Variants in TBC1D5 observed in about 807,000 individuals in gnomAD.
The protein encoded by TBC1D5 is TBC1 domain family member 5.
A neutral mutation model predicts 100.3 loss-of-function variants in TBC1D5; 75 were observed. The observed-to-expected ratio is 0.75, with a 90% CI of 0.62 to 0.91. The LOEUF (loss-of-function observed/expected upper bound fraction) is 0.91, where lower values mean the gene tolerates loss of function less well. Among genes scored for constraint, TBC1D5 ranks in the 40% least tolerant of loss-of-function variants. The pLI, the probability that TBC1D5 is intolerant of heterozygous loss-of-function variation, is 0.00. For synonymous variants in TBC1D5, 323 were observed against 325.6 expected (o/e 0.99, Z 0.09); for missense variants, 910 against 942.4 (o/e 0.97, Z 0.45).
chr3:17,322,574 A>T (rs2085556880), intron 13 of TBC1D5, among the ~76,000 whole-genome samples: 1 of 152,214 alleles, frequency 6.6e-6, no homozygotes. Flanking sequence ...AGGAAGGAGA[A>T]ACCCAAAGCA....
At chr3:17,328,207 C>T (rs944026083) in intron 13 of TBC1D5, among the ~76,000 whole-genome samples, 3 of 151,852 alleles carry the variant, frequency 2.0e-5, no homozygotes, top group Middle Eastern at 3.2e-3. Flanking sequence ...GAGGTTGAGG[C>T]CACAGTGAGC....
intron 17 of TBC1D5, among the ~76,000 whole-genome samples, chr3:17,217,617 A>G (rs2596665): frequency 0.41 from 62,394 of 151,850 alleles, 13,524 homozygotes; most frequent in Middle Eastern, 0.49. Context: ...CAATTTTCCA[A>G]TGGCTCATGA....
intron 1 of TBC1D5, among the ~76,000 whole-genome samples, chr3:17,653,847 T>C (rs537166055): frequency 4.6e-5 from 7 of 152,068 alleles, no homozygotes; most frequent in East Asian, 1.9e-4. Flanking sequence ...GAAGGAAGGA[T>C]GGGAGAATGA....
At chr3:17,443,385 A>G (rs1251500417) in intron 3 of TBC1D5, among the ~76,000 whole-genome samples, 1 of 152,222 alleles carries the variant, frequency 6.6e-6, no homozygotes, top group East Asian at 1.9e-4. Context: ...GCTGGATACC[A>G]TAACTCATAC....
chr3:17,401,280 C>CATATATATGTATGTGTATAATAT (rs1559805374), intron 8 of TBC1D5, among the ~76,000 whole-genome samples: 20 of 136,324 alleles, frequency 1.5e-4, no homozygotes, highest in South Asian at 4.7e-4. Context: ...GTGTATAATA[C>CATATATATGTATGTGTATAATAT]ACATATATAT....
rs144906223 is a variant in TBC1D5 at position 17,374,229 on chromosome 3, CTTGA to C, written c.822+238_822+241del. ...ATTTTGTAACGAAGCACTTATGCTG[CTTGA>C]TTAATATACACACATATAAAATGTA... On this transcript the variant is annotated intron_variant, in intron 12 of 21. Transcript: ENST00000253692. Among the ~76,000 whole-genome samples, 481 of 152,102 alleles carry C rather than the reference CTTGA, an allele frequency of 3.2e-3. 1 individual carries two copies. Among genetic ancestry groups the C allele is most frequent in the African/African-American group, 0.011 (458 of 41,524 alleles).
At position 17,626,893 on chromosome 3, in the gene TBC1D5, C is replaced by T. The variant is rs144765593; in HGVS notation, c.-100-2980G>A. The stretch of plus-strand genomic sequence containing the variant: ...CAAATTTATGAGAGAACCTCAAATA[C>T]CAGGCTGGAAAGTCTAAATTTCAAT... On this transcript the variant is annotated intron_variant, in intron 1 of 21. Transcript: ENST00000253692. 1.0e-3 allele frequency among the ~76,000 whole-genome samples: 153 copies of T among 152,128 alleles called. 2 individuals are homozygous for T. In the South Asian group the frequency reaches 0.018, roughly 18 times the overall value.
chr3:17,480,738 C>G (rs1040853488), intron 3 of TBC1D5, among the ~76,000 whole-genome samples: 1 of 152,050 alleles, frequency 6.6e-6, no homozygotes, highest in African/African-American at 2.4e-5. Flanking sequence ...CAGTGAGGGT[C>G]TCCTCTCTGC....
At chr3:17,730,716 C>T (rs187095267) in intron 1 of TBC1D5, among the ~76,000 whole-genome samples, 1 of 152,186 alleles carries the variant, frequency 6.6e-6, no homozygotes, top group African/African-American at 2.4e-5. Context: ...ATTTGTCACA[C>T]GGCAGTTAAC....
chr3:17,731,391 C>T (rs1030291504), intron 1 of TBC1D5, among the ~76,000 whole-genome samples: 1 of 151,432 alleles, frequency 6.6e-6, no homozygotes, highest in Non-Finnish European at 1.5e-5. Flanking sequence ...GTCCCAGCTA[C>T]TCTACTCAGG....
chr3:17,367,405 A>C (rs972089980), intron 13 of TBC1D5, among the ~76,000 whole-genome samples: 13 of 152,226 alleles, frequency 8.5e-5, no homozygotes, highest in Non-Finnish European at 4.4e-5. Flanking sequence ...ATACTAAAAA[A>C]TACCACAAAA....
intron 18 of TBC1D5, among the ~76,000 whole-genome samples, chr3:17,188,725 G>C (rs569188622): frequency 1.3e-5 from 2 of 152,134 alleles, no homozygotes; most frequent in Non-Finnish European, 2.9e-5. Context: ...CCAAAACTGT[G>C]GGAACTGACT....
At chr3:17,283,540 G>A (rs1401116772) in intron 15 of TBC1D5, among the ~76,000 whole-genome samples, 1 of 152,132 alleles carries the variant, frequency 6.6e-6, no homozygotes, top group Non-Finnish European at 1.5e-5. Context: ...CGTGGCCACA[G>A]TATTCTTAAA....
At chr3:17,706,821 CA>C (rs539646311) in intron 1 of TBC1D5, among the ~76,000 whole-genome samples, 141 of 150,716 alleles carry the variant, frequency 9.4e-4, no homozygotes, top group African/African-American at 3.4e-3. Context: ...AATCCTTTAA[CA>C]AAAAAATTAG....
chr3:17,707,344 T>C (rs2153912228), intron 1 of TBC1D5, among the ~76,000 whole-genome samples: 1 of 152,282 alleles, frequency 6.6e-6, no homozygotes, highest in African/African-American at 2.4e-5. Context: ...TCAATAAATT[T>C]ATAAAATTTT....
intron 2 of TBC1D5, among the ~76,000 whole-genome samples, chr3:17,547,439 C>A (rs1261898755): frequency 6.6e-6 from 1 of 152,128 alleles, no homozygotes; most frequent in Non-Finnish European, 1.5e-5. Context: ...AAAATTAAAG[C>A]ATCTCAGAGA....
At chr3:17,571,163 T>C (rs988956426) in intron 2 of TBC1D5, among the ~76,000 whole-genome samples, 2 of 152,120 alleles carry the variant, frequency 1.3e-5, no homozygotes, top group East Asian at 3.9e-4. Flanking sequence ...TTACAATGAA[T>C]AGATTTAGTC....
intron 1 of TBC1D5, among the ~76,000 whole-genome samples, chr3:17,634,113 A>G (rs2153681625): frequency 6.6e-6 from 1 of 152,320 alleles, no homozygotes; most frequent in South Asian, 2.1e-4. Context: ...GCCTTTCTAC[A>G]CTGTTAGTGG....
chr3:17,591,506 G>A (rs2096771669), intron 2 of TBC1D5, among the ~76,000 whole-genome samples: 1 of 152,096 alleles, frequency 6.6e-6, no homozygotes, highest in Admixed American at 6.5e-5. Flanking sequence ...GGGACTACTG[G>A]ACACTGGCTC....
Sources: gnomAD v4.1 joint callset for allele counts (sites outside exome capture counted in the v4.1 genomes callset) on GRCh38, gnomAD v4.1.1 for gene constraint, MANE v1.5 for transcripts, NCBI Gene and HGNC (gene_info 2026-07-23, HGNC 2026-07-21) for gene names.